The following NEIL3 variants were observed in gnomAD, a reference collection of about 807,000 sequenced individuals.
The protein encoded by NEIL3 is nei like DNA glycosylase 3.
A neutral mutation model predicts 57.5 loss-of-function variants in NEIL3; 48 were observed. The ratio of observed to expected loss-of-function variants is 0.83; its 90% CI spans 0.66 to 1.06. NEIL3 has a LOEUF of 1.06. Ranked by LOEUF, NEIL3 falls within the 50% of genes least tolerant of loss-of-function variation. The probability of loss-of-function intolerance (pLI) is 0.00; values close to 1 mark genes in which losing one functional copy is unlikely to be tolerated. For synonymous variants in NEIL3, 261 were observed against 253.2 expected (o/e 1.03, Z -0.29); for missense variants, 717 against 739.1 (o/e 0.97, Z 0.35).
rs1159215397 is a variant in NEIL3 at position 177,335,707 on chromosome 4, G to A, written c.298G>A (p.Gly100Ser). Residue 100 changes from glycine to serine, a missense_variant, in exon 3 of 10, where the codon GGC (glycine) becomes AGC (serine). Coordinates refer to ENST00000264596, the MANE Select transcript of NEIL3 (RefSeq NM_018248.3). ...KALRIHFGMK[G>S]FIMINPLEYK... Reference sequence around the variant, plus strand: ...TTTCAGGATTCATTTCGGAATGAAAGGCTTCATCATGATTAATCCACTTGA... The same window carrying A: ...TTTCAGGATTCATTTCGGAATGAAAAGCTTCATCATGATTAATCCACTTGA... 3 of 1,608,480 alleles carry A rather than the reference G, an allele frequency of 1.9e-6. No homozygotes were observed. Among genetic ancestry groups the A allele is most frequent in the Non-Finnish European group, 2.5e-6 (3 of 1,177,808 alleles).
chr4:177,330,191 C>T (rs990895877), intron 2 of NEIL3, among the ~76,000 whole-genome samples: 4 of 152,056 alleles, frequency 2.6e-5, no homozygotes, highest in Non-Finnish European at 4.4e-5. Context: ...GGATTACAGG[C>T]GTGAGCCACT....
intron 3 of NEIL3, 58 bp from the exon 4 acceptor site, chr4:177,336,050 C>T: frequency 1.4e-6 from 2 of 1,406,098 alleles, no homozygotes; most frequent in Admixed American, 1.8e-5. Context: ...TTTTAAAAGA[C>T]ACTTTGTGAA....
At chr4:177,350,230 T>C (rs1416340854) in intron 6 of NEIL3, among the ~76,000 whole-genome samples, 1 of 152,216 alleles carries the variant, frequency 6.6e-6, no homozygotes, top group African/African-American at 2.4e-5. Flanking sequence ...GTAAGATACA[T>C]AGCCTTTACC....
At chr4:177,365,919 C>G (rs1413152415), downstream of NEIL3, among the ~76,000 whole-genome samples, 1 of 152,148 alleles carries the variant, frequency 6.6e-6, no homozygotes, top group African/African-American at 2.4e-5. Context: ...CAGTCCAAAA[C>G]TACACAGCAT....
At chr4:177,370,205 C>A in the NEIL3 span, among the ~76,000 whole-genome samples, 1 of 152,126 alleles carries the variant, frequency 6.6e-6, no homozygotes, top group African/African-American at 2.4e-5. Flanking sequence ...TCATACATGA[C>A]GAATTTTGAG....
rs776517711 is a variant in NEIL3 at position 177,310,088 on chromosome 4, C to T, written c.135C>T (p.Ser45=). The change falls in exon 1 of 10, where the codon TCC becomes TCT. Residue 45 remains serine (S), a synonymous_variant. Transcript: ENST00000264596. Reference sequence around the variant, plus strand: ...GCCGCGCCTTGCGGCTCGCAGCCTCCACGGTTGTGGTCTCCCCGCAGGTGA... The same window carrying T: ...GCCGCGCCTTGCGGCTCGCAGCCTCTACGGTTGTGGTCTCCCCGCAGGTGA... ...LQGRALRLAA[S]TVVVSPQAAA... 1.3e-6 allele frequency: 2 copies of T among 1,594,312 alleles called. No homozygotes were observed. Among genetic ancestry groups the T allele is most frequent in the East Asian group, 2.3e-5 (1 of 43,372 alleles).
the NEIL3 span, among the ~76,000 whole-genome samples, chr4:177,369,840 GATAAA>G: frequency 1.3e-5 from 2 of 152,150 alleles, no homozygotes; most frequent in African/African-American, 2.4e-5. Flanking sequence ...CTCTTGTGAG[GATAAA>G]ATAAAATATC....
downstream of NEIL3, among the ~76,000 whole-genome samples, chr4:177,364,651 C>T (rs572157040): frequency 3.9e-5 from 6 of 152,224 alleles, no homozygotes; most frequent in South Asian, 4.1e-4. Flanking sequence ...CTGAGCTGGC[C>T]GGGCACGGTG....
chr4:177,310,709 C>T (rs1183303243), intron 1 of NEIL3, among the ~76,000 whole-genome samples: 1 of 152,182 alleles, frequency 6.6e-6, no homozygotes, highest in Admixed American at 6.5e-5. Flanking sequence ...AGCTTCTTGC[C>T]ACTCAGGCAT....
chr4:177,369,572 A>AT, the NEIL3 span, among the ~76,000 whole-genome samples: 1 of 152,200 alleles, frequency 6.6e-6, no homozygotes, highest in Non-Finnish European at 1.5e-5. Context: ...GATGACGCAG[A>AT]GGAACCCAAA....
chr4:177,335,677 T>C lies in NEIL3; in HGVS notation c.279-11T>C. 1 of 1,608,916 alleles carries C rather than the reference T, an allele frequency of 6.2e-7. No individual in the cohort carries two copies. The highest frequency in any genetic ancestry group is 8.5e-7 in the Non-Finnish European group (1 of 1,178,084). On this transcript the variant is annotated splice_polypyrimidine_tract_variant and intron_variant, in intron 2 of 9. Transcript: ENST00000264596. ...TTTCTGCCACTCAAAAATGGTTTGATTTTGTTTCAGGATTCATTTCGGAAT... is the reference window on the plus strand; with the variant it reads ...TTTCTGCCACTCAAAAATGGTTTGACTTTGTTTCAGGATTCATTTCGGAAT...
chr4:177,368,991 C>T, the NEIL3 span, among the ~76,000 whole-genome samples: 5 of 152,138 alleles, frequency 3.3e-5, no homozygotes, highest in Admixed American at 6.6e-5. Context: ...TGTACCTCTT[C>T]GTCTTTTAGA....
intron 6 of NEIL3, 139 bp from the exon 7 acceptor site, chr4:177,351,234 AAAAAGAC>A: frequency 3.5e-6 from 1 of 286,652 alleles, no homozygotes. Flanking sequence ...AAAAAAAAAA[AAAAAGAC>A]TCTAAGATAC....
chr4:177,359,318 C>T (rs1205879265), intron 8 of NEIL3, among the ~76,000 whole-genome samples: 1 of 152,136 alleles, frequency 6.6e-6, no homozygotes. Flanking sequence ...AAACTGCCCT[C>T]AGAATGTTTG....
chr4:177,347,509 G>T (rs1983130), intron 6 of NEIL3, among the ~76,000 whole-genome samples: 82,032 of 151,918 alleles, frequency 0.54, 22,647 homozygotes, highest in Middle Eastern at 0.7. Flanking sequence ...CACTGGGAGA[G>T]TTTGAGCAGG....
Position 177,339,846 on chromosome 4 carries a change from C to G in NEIL3, c.691C>G (p.Leu231Val), listed in dbSNP as rs1241485210. ...LMKMIRDFSILFYRCRKAGLA... is the reference protein window; with the variant it reads ...LMKMIRDFSIVFYRCRKAGLA... ...GAAAATGATACGTGATTTCAGCATT[C>G]TCTTTTACAGGGTAAGAGCAAAATT... is the stretch of plus-strand genomic sequence containing the variant. Residue 231 changes from leucine (L) to valine (V), a missense_variant, in exon 5 of 10, where the codon CTC becomes GTC. Physicochemically the swap from Leu to Val is conservative, Grantham distance 32. Transcript: ENST00000264596. 4 of 1,612,656 alleles carry G rather than the reference C, an allele frequency of 2.5e-6. No homozygotes were observed. Among genetic ancestry groups the G allele is most frequent in the Admixed American group, 1.7e-5 (1 of 59,982 alleles).
At chr4:177,370,097 T>C in the NEIL3 span, among the ~76,000 whole-genome samples, 1 of 152,082 alleles carries the variant, frequency 6.6e-6, no homozygotes, top group Non-Finnish European at 1.5e-5. Flanking sequence ...AAGTTCAAAA[T>C]AAAAGTATTT....
At chr4:177,370,341 G>A in the NEIL3 span, among the ~76,000 whole-genome samples, 1 of 152,128 alleles carries the variant, frequency 6.6e-6, no homozygotes, top group Non-Finnish European at 1.5e-5. Context: ...AGAGATTGTG[G>A]CTTCAAGTGC....
chr4:177,332,439 T>C (rs992754541), intron 2 of NEIL3, among the ~76,000 whole-genome samples: 2 of 152,116 alleles, frequency 1.3e-5, no homozygotes, highest in African/African-American at 4.8e-5. Flanking sequence ...ATAAGACATA[T>C]TGTTTGGGCA....
Sources: gnomAD v4.1 joint callset for allele counts (sites outside exome capture counted in the v4.1 genomes callset) on GRCh38, gnomAD v4.1.1 for gene constraint, MANE v1.5 for transcripts, NCBI Gene and HGNC (gene_info 2026-07-23, HGNC 2026-07-21) for gene names.